The following SLC2A9 variants were observed in gnomAD, a reference collection of about 807,000 sequenced individuals.
SLC2A9 encodes solute carrier family 2 member 9.
In SLC2A9, 39 loss-of-function variants were observed where a neutral mutation model predicts 50.6. The observed-to-expected ratio is 0.77, with a 90% CI of 0.60 to 1.01. The LOEUF is 1.01. SLC2A9 is among the 50% of genes least tolerant of loss of function. The pLI is 0.00. For synonymous variants in SLC2A9, 324 were observed against 276.9 expected (o/e 1.17, Z -1.69); for missense variants, 686 against 677.6 (o/e 1.01, Z -0.14).
At chr4:9,970,847 GGCC>G (rs1440024183) in intron 5 of SLC2A9, among the ~76,000 whole-genome samples, 1 of 152,156 alleles carries the variant, frequency 6.6e-6, no homozygotes, top group East Asian at 1.9e-4. Flanking sequence ...GGGCCTGCCT[GGCC>G]TAAACCTAGT....
At chr4:9,783,610 C>CATTG (rs2108858130) in intron 3 of SLC2A9, 1 of 763,016 alleles carries the variant, frequency 1.3e-6, no homozygotes, top group Admixed American at 3.0e-5. Flanking sequence ...AACCTCACCC[C>CATTG]ATTGATTGGT....
downstream of SLC2A9, among the ~76,000 whole-genome samples, chr4:9,796,666 T>C (rs567121521): frequency 1.3e-5 from 2 of 152,174 alleles, no homozygotes; most frequent in Non-Finnish European, 2.9e-5. Context: ...CTCATTTCCA[T>C]AGGTCAGCTG....
At chr4:9,893,546 CAG>C (rs1034334234) in intron 8 of SLC2A9, among the ~76,000 whole-genome samples, 3 of 131,078 alleles carry the variant, frequency 2.3e-5, no homozygotes, top group Non-Finnish European at 3.1e-5. Context: ...TAGGGGGAGG[CAG>C]AGAGGGACGG....
chr4:9,957,218 C>T (rs149772729), intron 5 of SLC2A9, among the ~76,000 whole-genome samples: 1 of 151,992 alleles, frequency 6.6e-6, no homozygotes, highest in Non-Finnish European at 1.5e-5. Context: ...AGGCCAAAAA[C>T]ATGAAAATAA....
chr4:9,802,352 A>T (rs1721541623), intron 3 of SLC2A9, among the ~76,000 whole-genome samples: 1 of 151,786 alleles, frequency 6.6e-6, no homozygotes, highest in Admixed American at 6.6e-5. Flanking sequence ...GGCAACGTGG[A>T]AAATACAATG....
chr4:9,786,835 G>C (rs1482307835), intron 3 of SLC2A9, among the ~76,000 whole-genome samples: 1 of 152,182 alleles, frequency 6.6e-6, no homozygotes, highest in East Asian at 1.9e-4. Flanking sequence ...AGACATTTTT[G>C]GTTGTCACAA....
At chr4:9,860,851 C>T (rs1731506605) in intron 10 of SLC2A9, among the ~76,000 whole-genome samples, 1 of 152,232 alleles carries the variant, frequency 6.6e-6, no homozygotes, top group East Asian at 1.9e-4. Flanking sequence ...ATCATGAATG[C>T]TGAATGACAC....
At chr4:9,867,103 T>C (rs1164811920) in intron 10 of SLC2A9, among the ~76,000 whole-genome samples, 1 of 152,256 alleles carries the variant, frequency 6.6e-6, no homozygotes, top group Non-Finnish European at 1.5e-5. Flanking sequence ...AGCGTGTGAA[T>C]GCAATGGGCA....
intron 6 of SLC2A9, among the ~76,000 whole-genome samples, chr4:9,928,339 G>C (rs1745284456): frequency 6.6e-6 from 1 of 152,246 alleles, no homozygotes; most frequent in Non-Finnish European, 1.5e-5. Flanking sequence ...ACAGGAGTGA[G>C]AAAGTAGCAA....
At chr4:9,950,467 C>T (rs1373968264) in intron 5 of SLC2A9, among the ~76,000 whole-genome samples, 1 of 152,150 alleles carries the variant, frequency 6.6e-6, no homozygotes, top group Non-Finnish European at 1.5e-5. Context: ...TGTCCTCTGC[C>T]TTGCTTGGTT....
chr4:9,992,482 T>C (rs1301036166), intron 3 of SLC2A9, among the ~76,000 whole-genome samples: 2 of 152,230 alleles, frequency 1.3e-5, no homozygotes, highest in African/African-American at 4.8e-5. Flanking sequence ...CCTGGCATTG[T>C]CAAATGTCCC....
chr4:9,856,566 G>T (rs1156271864), intron 10 of SLC2A9, among the ~76,000 whole-genome samples: 1 of 152,158 alleles, frequency 6.6e-6, no homozygotes, highest in Non-Finnish European at 1.5e-5. Flanking sequence ...ATTTCTCGAA[G>T]AACTTAAAAC....
At chr4:9,791,661 G>T (rs1286559231) in intron 3 of SLC2A9, among the ~76,000 whole-genome samples, 1 of 152,184 alleles carries the variant, frequency 6.6e-6, no homozygotes, top group Non-Finnish European at 1.5e-5. Flanking sequence ...AGAAACTGGA[G>T]GTTGTGGGAG....
intron 5 of SLC2A9, among the ~76,000 whole-genome samples, chr4:9,959,520 G>A (rs1401773501): frequency 6.6e-6 from 1 of 152,050 alleles, no homozygotes; most frequent in Non-Finnish European, 1.5e-5. Flanking sequence ...TTAAAATATG[G>A]TGGAATTATC....
chr4:9,941,477 G>A (rs191917755), intron 6 of SLC2A9, among the ~76,000 whole-genome samples: 3 of 152,304 alleles, frequency 2.0e-5, no homozygotes, highest in Admixed American at 6.5e-5. Context: ...CTCTGTGCTT[G>A]CATCTTTTCC....
intron 3 of SLC2A9, 29 bp from the exon 4 acceptor site, chr4:9,985,822 A>G: frequency 6.2e-7 from 1 of 1,613,800 alleles, no homozygotes; most frequent in Non-Finnish European, 8.5e-7. Context: ...TTTGATGAAG[A>G]TGTCTAACCA....
intron 7 of SLC2A9, among the ~76,000 whole-genome samples, chr4:9,912,274 A>G (rs896059077): frequency 6.6e-6 from 1 of 152,182 alleles, no homozygotes; most frequent in Non-Finnish European, 1.5e-5. Context: ...CATGTACCCT[A>G]AAACTTAAAG....
In SLC2A9 at chr4:9,879,218, G is replaced by A. The variant is rs1038854177; in HGVS notation, c.1291+8349C>T. ...GGGGGCTGTGGGAGCCCAGAGGGGC[G>A]GGCTGTTTCTAAGAAAGTCTCAAGA... On this transcript the variant is annotated intron_variant, in intron 10 of 11. Coordinates refer to ENST00000264784, the MANE Select transcript of SLC2A9 (RefSeq NM_020041.3). The A allele has an allele frequency of 1.1e-5, 11 of 985,170 alleles. No individual in the cohort carries two copies. The African/African-American group carries it at 1.2e-4, about 11-fold the overall frequency. 61.0% of individuals were successfully genotyped at this position (985,170 alleles called of 1,614,324 possible).
chr4:9,889,464 A>G (rs1027261233), intron 9 of SLC2A9, among the ~76,000 whole-genome samples: 7 of 152,190 alleles, frequency 4.6e-5, no homozygotes, highest in African/African-American at 1.7e-4. Context: ...GCTTCCTGAG[A>G]ACTTTGAAGG....
Sources: gnomAD v4.1 joint callset for allele counts (sites outside exome capture counted in the v4.1 genomes callset) on GRCh38, gnomAD v4.1.1 for gene constraint, MANE v1.5 for transcripts, NCBI Gene and HGNC (gene_info 2026-07-23, HGNC 2026-07-21) for gene names.